The following NHSL1 variants were observed in gnomAD, a reference collection of about 807,000 sequenced individuals.
NHSL1 encodes the protein NHS like 1, also known as NHS-like protein 1.
In NHSL1, 48 loss-of-function variants were observed where a neutral mutation model predicts 95.0. That is an observed-to-expected ratio of 0.51 (90% CI 0.40 to 0.64). NHSL1 has a LOEUF of 0.64. Among genes scored for constraint, NHSL1 ranks in the 30% least tolerant of loss-of-function variants. The probability of loss-of-function intolerance (pLI) is 0.00; values close to 1 mark genes in which losing one functional copy is unlikely to be tolerated. For missense variants in NHSL1, 1,971 were observed against 2,077.7 expected, an observed-to-expected ratio of 0.95 and a Z score of 1.00; for synonymous variants, 783 against 833.9, an observed-to-expected ratio of 0.94 and a Z score of 1.05.
At chr6:138,511,060 C>A (rs963495192) in intron 1 of NHSL1, among the ~76,000 whole-genome samples, 3 of 152,122 alleles carry the variant, frequency 2.0e-5, no homozygotes, top group African/African-American at 7.2e-5. Context: ...AAAAAATCAA[C>A]CAGGAAGCGA....
At chr6:138,507,825 G>C (rs1371207558) in intron 1 of NHSL1, among the ~76,000 whole-genome samples, 1 of 152,084 alleles carries the variant, frequency 6.6e-6, no homozygotes, top group Non-Finnish European at 1.5e-5. Context: ...CTGAAAAAAA[G>C]ACAAATGGAA....
intron 4 of NHSL1, chr6:138,446,742 A>G (rs1189502905): frequency 2.4e-6 from 1 of 418,894 alleles, no homozygotes; most frequent in African/African-American, 2.0e-5. Flanking sequence ...TAAAAGAGAC[A>G]CTCTTAAGAT....
At chr6:138,602,455 C>A (rs1283687438) in intron 1 of NHSL1, among the ~76,000 whole-genome samples, 1 of 152,138 alleles carries the variant, frequency 6.6e-6, no homozygotes, top group Non-Finnish European at 1.5e-5. Flanking sequence ...TATTCTCCTG[C>A]CTCAGCCTCC....
upstream of NHSL1, chr6:138,545,961 C>T (rs1782777682): frequency 3.1e-6 from 1 of 326,616 alleles, no homozygotes; most frequent in Admixed American, 6.5e-5. Flanking sequence ...TTTGTTTGTG[C>T]TTCTCTCTCA....
chr6:138,692,751 T>C (rs1238177871), upstream of NHSL1: 1 of 151,122 alleles, frequency 6.6e-6, no homozygotes, highest in Non-Finnish European at 1.5e-5. This position sits in a 1 kb window ranked among gnomAD's most constrained non-coding sequence, Gnocchi z 4.0. Flanking sequence ...CAGGGTCCTC[T>C]GGTGGAAGGG....
intron 3 of NHSL1, among the ~76,000 whole-genome samples, chr6:138,471,326 T>C (rs1366850639): frequency 6.6e-6 from 1 of 152,202 alleles, no homozygotes; most frequent in Non-Finnish European, 1.5e-5. Flanking sequence ...TATAAACTTC[T>C]CTTCCTTCTC....
chr6:138,540,014 G>C (rs964838816), intron 1 of NHSL1, among the ~76,000 whole-genome samples: 2 of 152,182 alleles, frequency 1.3e-5, no homozygotes, highest in Non-Finnish European at 2.9e-5. Context: ...AGCCAGCTTT[G>C]TTTCATTTAT....
intron 1 of NHSL1, among the ~76,000 whole-genome samples, chr6:138,593,829 A>G (rs1215030665): frequency 6.6e-6 from 1 of 152,228 alleles, no homozygotes; most frequent in African/African-American, 2.4e-5. Flanking sequence ...CCATTTGTTA[A>G]TTCAGTCCAA....
At chr6:138,592,028 G>A (rs1784237219) in intron 1 of NHSL1, among the ~76,000 whole-genome samples, 1 of 152,066 alleles carries the variant, frequency 6.6e-6, no homozygotes, top group Admixed American at 6.6e-5. Context: ...ATTTGAAAAT[G>A]TTTTTTGGGT....
chr6:138,466,478 C>A (rs1181981842), intron 3 of NHSL1, among the ~76,000 whole-genome samples: 1 of 152,224 alleles, frequency 6.6e-6, no homozygotes, highest in Non-Finnish European at 1.5e-5. Context: ...ATCCCAATCA[C>A]CTCTATGCTG....
At chr6:138,492,747 A>T (rs1389170858) in intron 2 of NHSL1, among the ~76,000 whole-genome samples, 1 of 152,222 alleles carries the variant, frequency 6.6e-6, no homozygotes, top group East Asian at 1.9e-4. Context: ...AAACTGACAG[A>T]CTAATTCATA....
upstream of NHSL1, among the ~76,000 whole-genome samples, chr6:138,550,586 T>G (rs1055960694): frequency 1.3e-5 from 2 of 152,222 alleles, no homozygotes; most frequent in Non-Finnish European, 2.9e-5. Context: ...AACATTATTA[T>G]CTCTACAAGA....
chr6:138,668,726 C>T (rs747087587), intron 1 of NHSL1, among the ~76,000 whole-genome samples: 2 of 149,652 alleles, frequency 1.3e-5, no homozygotes, highest in Non-Finnish European at 3.0e-5. Context: ...CCGGGTTAAG[C>T]GATTCTCCTG....
At chr6:138,459,923 A>C (rs965700554) in intron 3 of NHSL1, among the ~76,000 whole-genome samples, 10 of 152,158 alleles carry the variant, frequency 6.6e-5, no homozygotes, top group African/African-American at 2.2e-4. Flanking sequence ...ATTTTGGAAT[A>C]TTTCTTTTAA....
At chr6:138,515,928 G>A (rs973361481) in intron 1 of NHSL1, among the ~76,000 whole-genome samples, 23 of 152,194 alleles carry the variant, frequency 1.5e-4, no homozygotes, top group African/African-American at 4.8e-4. Flanking sequence ...TCATGAAGGC[G>A]CACGCCGTCT....
chr6:138,547,505 C>T (rs921973553), upstream of NHSL1, among the ~76,000 whole-genome samples: 8 of 152,124 alleles, frequency 5.3e-5, no homozygotes, highest in South Asian at 4.1e-4. Context: ...CTCAGCCTTC[C>T]GAGTAGCTGG....
intron 1 of NHSL1, among the ~76,000 whole-genome samples, chr6:138,560,024 A>G (rs1376169506): frequency 2.0e-5 from 3 of 152,350 alleles, no homozygotes; most frequent in East Asian, 1.9e-4. Context: ...CAAAACATTC[A>G]CACCATAGTT....
chr6:138,483,970 A>C lies in NHSL1; in HGVS notation c.212-10537T>G, dbSNP rs374557289. Among the ~76,000 whole-genome samples the C allele has an allele frequency of 2.6e-5, 4 of 152,334 alleles. No homozygotes were observed. The East Asian group carries it at 5.8e-4, about 22-fold the overall frequency. On this transcript the variant is annotated intron_variant, in intron 2 of 7. Coordinates refer to ENST00000343505, the MANE Select transcript of NHSL1 (RefSeq NM_001144060.2). ...CACATTTTCCACCTTCATTAACCCAAGGCATATGACCTGACCTCCCATTAA... is the reference window on the plus strand; with the variant it reads ...CACATTTTCCACCTTCATTAACCCACGGCATATGACCTGACCTCCCATTAA...
chr6:138,452,733 G>A (rs73573226), intron 3 of NHSL1, among the ~76,000 whole-genome samples: 149 of 152,106 alleles, frequency 9.8e-4, no homozygotes, highest in African/African-American at 3.4e-3. Context: ...GTGCCAAAAC[G>A]TCTGCAGCCT....
Sources: gnomAD v4.1 joint callset for allele counts (sites outside exome capture counted in the v4.1 genomes callset) on GRCh38, gnomAD v4.1.1 for gene constraint, Gnocchi (gnomAD v3.1) non-coding constraint, MANE v1.5 for transcripts, NCBI Gene and HGNC (gene_info 2026-07-23, HGNC 2026-07-21) for gene names.